Variants in FREM2 observed in about 807,000 individuals in gnomAD.
FREM2 encodes FRAS1 related extracellular matrix 2.
A neutral mutation model predicts 219.9 loss-of-function variants in FREM2; 119 were observed. The observed-to-expected ratio is 0.54, with a 90% CI of 0.47 to 0.63. FREM2 has a LOEUF of 0.63. Among genes scored for constraint, FREM2 ranks in the 30% least tolerant of loss-of-function variants. The pLI, the probability that FREM2 is intolerant of heterozygous loss-of-function variation, is 0.00. For missense variants in FREM2, 4,030 were observed against 3,993.6 expected, an observed-to-expected ratio of 1.01 and a Z score of -0.25; for synonymous variants, 1,562 against 1,522.8, an observed-to-expected ratio of 1.03 and a Z score of -0.60.
Position 38,880,594 on chromosome 13 carries a change from G to A in FREM2, c.9317G>A (p.Ser3106Asn). ...GILPWELNSP[S>N]SAVSLVTVVG... ...CTCCCCTGGGAGCTCAACAGCCCCA[G>A]CTCTGCAGTCAGCCTGGTCACTGTG... is the stretch of plus-strand genomic sequence containing the variant. The change falls in exon 24 of 24, where the codon AGC becomes AAC. Residue 3106 changes from serine (S) to asparagine (N), a missense_variant. Transcript: ENST00000280481. 6.2e-7 allele frequency: 1 copy of A among 1,613,980 alleles called. No homozygotes were observed. Among genetic ancestry groups the A allele is most frequent in the South Asian group, 1.1e-5 (1 of 91,074 alleles).
intron 6 of FREM2, among the ~76,000 whole-genome samples, chr13:38,842,447 G>A (rs1374384081): frequency 6.6e-6 from 1 of 152,156 alleles, no homozygotes; most frequent in Admixed American, 6.5e-5. Flanking sequence ...TGTGGATTCC[G>A]TTATGGAGAA....
chr13:38,792,060 C>G (rs1442239378), intron 6 of FREM2, among the ~76,000 whole-genome samples: 1 of 152,078 alleles, frequency 6.6e-6, no homozygotes, highest in Non-Finnish European at 1.5e-5. Context: ...AAAAATGTCC[C>G]TTTAGGCCAG....
chr13:38,734,992 C>T (rs577435023), intron 2 of FREM2, among the ~76,000 whole-genome samples: 3 of 152,170 alleles, frequency 2.0e-5, no homozygotes, highest in Admixed American at 6.5e-5. Flanking sequence ...GTGATCCACC[C>T]GCCTTGGCCT....
chr13:38,788,208 C>T (rs1874409878), intron 6 of FREM2, among the ~76,000 whole-genome samples: 2 of 152,098 alleles, frequency 1.3e-5, no homozygotes, highest in African/African-American at 4.8e-5. Flanking sequence ...CAGAAGCTTG[C>T]AGTGAGATCA....
intron 16 of FREM2, among the ~76,000 whole-genome samples, chr13:38,866,531 G>A (rs1449692696): frequency 6.6e-6 from 1 of 151,392 alleles, no homozygotes; most frequent in East Asian, 1.9e-4. Flanking sequence ...AGCCGGGCGT[G>A]GTGGCGCATG....
rs1464593767 is a variant in FREM2 at position 38,691,820 on chromosome 13, C to G, written c.4476C>G (p.Ile1492Met). The change falls in exon 1 of 24, where the codon ATC (isoleucine) becomes ATG (methionine). Residue 1492 changes from isoleucine (I) to methionine (M), a missense_variant. By Grantham distance (10) the Ile-to-Met change is conservative. Around this residue, in one of 2 missense-constraint regions of FREM2, gnomAD observed 3,102 missense variants for 2,950.7 expected, o/e 1.05. Coordinates refer to ENST00000280481, the MANE Select transcript of FREM2 (RefSeq NM_207361.6). ...AGCTGCAACTGGCTGGAAACAAAAT[C>G]TACTACATCCACACAGCTGATGATG... Reference protein sequence around the residue: ...FTQLQLAGNKIYYIHTADDEV... With the variant: ...FTQLQLAGNKMYYIHTADDEV... 1 of 1,614,160 alleles carries G rather than the reference C, an allele frequency of 6.2e-7. No individual in the cohort carries two copies. Among genetic ancestry groups the G allele is most frequent in the Non-Finnish European group, 8.5e-7 (1 of 1,180,032 alleles).
intron 1 of FREM2, 122 bp downstream of exon 1, chr13:38,692,639 G>GGACTCAA: frequency 1.8e-6 from 2 of 1,136,644 alleles, no homozygotes; most frequent in South Asian, 2.5e-5. Context: ...AAGGGGATGG[G>GGACTCAA]GAGAATATAG....
At chr13:38,877,565 T>G (rs1470002347) in intron 21 of FREM2, among the ~76,000 whole-genome samples, 1 of 152,142 alleles carries the variant, frequency 6.6e-6, no homozygotes, top group Non-Finnish European at 1.5e-5. Context: ...TGTAAATGCC[T>G]CTCAGGCAAA....
At chr13:38,844,048 C>T (rs1877058449) in intron 6 of FREM2, among the ~76,000 whole-genome samples, 1 of 152,108 alleles carries the variant, frequency 6.6e-6, no homozygotes, top group African/African-American at 2.4e-5. Context: ...TAAATCTACT[C>T]ATAATCAAAA....
At chr13:38,860,965 GT>G (rs2137922075) in intron 14 of FREM2, among the ~76,000 whole-genome samples, 1 of 152,272 alleles carries the variant, frequency 6.6e-6, no homozygotes, top group Non-Finnish European at 1.5e-5. Context: ...AATGAGCACA[GT>G]TTTAGTTTTA....
At position 38,689,391 on chromosome 13, in the gene FREM2, C is replaced by G. The variant is rs1342981375; in HGVS notation, c.2047C>G (p.Gln683Glu). The G allele has an allele frequency of 6.8e-6, 11 of 1,614,108 alleles. No individual in the cohort carries two copies. The highest frequency in any genetic ancestry group is 9.3e-6 in the Non-Finnish European group (11 of 1,180,008). Residue 683 changes from glutamine (Q) to glutamate (E), a missense_variant, in exon 1 of 24, where the codon CAG becomes GAG. Around this residue, in one of 2 missense-constraint regions of FREM2, gnomAD observed 3,102 missense variants for 2,950.7 expected, o/e 1.05. Transcript: ENST00000280481. ...RVQDNHDPPN[Q>E]SGLQRFVIRI... ...CCAGGATAACCATGACCCTCCTAATCAGTCCGGGCTACAGCGGTTTGTGAT... is the reference window on the plus strand; with the variant it reads ...CCAGGATAACCATGACCCTCCTAATGAGTCCGGGCTACAGCGGTTTGTGAT...
At chr13:38,842,245 C>G (rs1876989364) in intron 6 of FREM2, among the ~76,000 whole-genome samples, 2 of 152,164 alleles carry the variant, frequency 1.3e-5, no homozygotes, top group Admixed American at 1.3e-4. Flanking sequence ...ATCCCAAGAA[C>G]AGTAAGCAAA....
rs115803523 is a variant in FREM2 at position 38,688,599 on chromosome 13, G to A, written c.1255G>A (p.Gly419Arg). The A allele has an allele frequency of 1.2e-6, 2 of 1,614,086 alleles. No individual in the cohort carries two copies. The highest frequency in any genetic ancestry group is 1.1e-5 in the South Asian group (1 of 91,080). Residue 419 changes from glycine (G) to arginine (R), a missense_variant, in exon 1 of 24, where the codon GGA becomes AGA. Gly to Arg is a moderately radical substitution (Grantham distance 125). This residue lies in a region of FREM2 where 3,102 missense variants were observed against 2,950.7 expected (regional missense o/e 1.05). Coordinates refer to ENST00000280481, the MANE Select transcript of FREM2 (RefSeq NM_207361.6). ...GGAATTGGAGGTAGTGGATCTAGAA[G>A]GAGCAGCTTCAGACCCTTTTGCCTT... The part of the protein sequence containing the change: ...ELELEVVDLE[G>R]AASDPFAFMV...
intron 23 of FREM2, 33 bp downstream of exon 23, chr13:38,879,010 G>A (rs147022916): frequency 3.3e-4 from 531 of 1,608,578 alleles, no homozygotes; most frequent in Non-Finnish European, 4.4e-4. Flanking sequence ...TGTAGTAGTT[G>A]TGTACCCACA....
intron 4 of FREM2, among the ~76,000 whole-genome samples, chr13:38,782,067 C>T (rs1430250438): frequency 6.6e-6 from 1 of 152,216 alleles, no homozygotes; most frequent in African/African-American, 2.4e-5. Flanking sequence ...GCGTGGTTCC[C>T]ATTTGTCAGC....
chr13:38,838,197 T>A (rs1363175120), intron 6 of FREM2, among the ~76,000 whole-genome samples: 2 of 152,170 alleles, frequency 1.3e-5, no homozygotes, highest in African/African-American at 4.8e-5. Flanking sequence ...TGTAAAAGAT[T>A]TTATTTCTCC....
rs1355390532 is a variant in FREM2 at position 38,864,454 on chromosome 13, C to G, written c.7831C>G (p.Pro2611Ala). 1.2e-6 allele frequency: 2 copies of G among 1,614,048 alleles called. No individual in the cohort carries two copies. Among genetic ancestry groups the G allele is most frequent in the East Asian group, 4.5e-5 (2 of 44,892 alleles). ...KNPEIIGETYPYQYSLSIRGS... is the reference protein window; with the variant it reads ...KNPEIIGETYAYQYSLSIRGS... ...TCCAGAAATAATTGGAGAGACATAT[C>G]CTTACCAGTACAGCTTGTCCATCAG... is the stretch of plus-strand genomic sequence containing the variant. Residue 2611 changes from proline (P) to alanine (A), a missense_variant, in exon 16 of 24, where the codon CCT (proline) becomes GCT (alanine). Coordinates refer to ENST00000280481, the MANE Select transcript of FREM2 (RefSeq NM_207361.6).
chr13:38,858,628 T>C (rs1169872578), intron 13 of FREM2, among the ~76,000 whole-genome samples: 3 of 152,224 alleles, frequency 2.0e-5, no homozygotes, highest in Non-Finnish European at 4.4e-5. Context: ...TATGACTTAC[T>C]TATGTTTATA....
At chr13:38,739,089 A>G (rs987173940) in intron 2 of FREM2, among the ~76,000 whole-genome samples, 3 of 152,218 alleles carry the variant, frequency 2.0e-5, no homozygotes, top group African/African-American at 4.8e-5. Flanking sequence ...TCCAGTCCAC[A>G]GTAAGTACAC....
Sources: gnomAD v4.1 joint callset for allele counts (sites outside exome capture counted in the v4.1 genomes callset) on GRCh38, gnomAD v4.1.1 for gene constraint, gnomAD v4.1.1 regional missense constraint, MANE v1.5 for transcripts, NCBI Gene and HGNC (gene_info 2026-07-23, HGNC 2026-07-21) for gene names.